The following NUSAP1 variants were observed in gnomAD, a reference collection of about 807,000 sequenced individuals.
The protein encoded by NUSAP1 is nucleolar and spindle-associated protein 1.
A neutral mutation model predicts 52.8 loss-of-function variants in NUSAP1; 32 were observed. The observed-to-expected ratio is 0.61, with a 90% confidence interval of 0.46 to 0.81. The LOEUF (loss-of-function observed/expected upper bound fraction) is 0.81, where lower values mean the gene tolerates loss of function less well. Ranked by LOEUF, NUSAP1 falls within the 40% of genes least tolerant of loss-of-function variation. The probability of loss-of-function intolerance (pLI) is 0.00; values close to 1 mark genes in which losing one functional copy is unlikely to be tolerated. For missense variants in NUSAP1, 499 were observed against 522.3 expected, an observed-to-expected ratio of 0.96 and a Z score of 0.43; for synonymous variants, 195 against 183.1, an observed-to-expected ratio of 1.06 and a Z score of -0.52.
chr15:41,355,198 G>C (rs1380356737), intron 4 of NUSAP1, among the ~76,000 whole-genome samples: 9 of 150,784 alleles, frequency 6.0e-5, no homozygotes, highest in Non-Finnish European at 1.3e-4. Context: ...TTTTGAGACA[G>C]AGTCTCGCTT....
intron 7 of NUSAP1, among the ~76,000 whole-genome samples, chr15:41,367,888 C>A (rs2049486144): frequency 6.6e-6 from 1 of 152,128 alleles, no homozygotes; most frequent in African/African-American, 2.4e-5. Context: ...TGCATCTCCA[C>A]TCCCCTGATG....
intron 7 of NUSAP1, among the ~76,000 whole-genome samples, chr15:41,370,140 G>T (rs1458078855): frequency 1.3e-5 from 2 of 151,832 alleles, no homozygotes; most frequent in Non-Finnish European, 2.9e-5. Flanking sequence ...CCAGCACTTT[G>T]GGAGGCCGAG....
intron 2 of NUSAP1, among the ~76,000 whole-genome samples, chr15:41,346,102 A>C (rs929475515): frequency 1.3e-5 from 2 of 150,540 alleles, no homozygotes; most frequent in African/African-American, 4.9e-5. Flanking sequence ...CACCATGCCC[A>C]GCTAATTTTT....
chr15:41,354,963 T>G (rs959294331), intron 4 of NUSAP1, among the ~76,000 whole-genome samples: 3 of 148,828 alleles, frequency 2.0e-5, no homozygotes, highest in Admixed American at 6.7e-5. Flanking sequence ...GAGCTTGCAG[T>G]GAGCCGAGAT....
chr15:41,372,268 G>A (rs1307148415), intron 8 of NUSAP1, among the ~76,000 whole-genome samples: 1 of 152,154 alleles, frequency 6.6e-6, no homozygotes, highest in Non-Finnish European at 1.5e-5. Flanking sequence ...CAGGGATTCG[G>A]AGGATGAGCA....
intron 4 of NUSAP1, among the ~76,000 whole-genome samples, chr15:41,355,793 C>T (rs561504488): frequency 1.1e-4 from 16 of 151,996 alleles, no homozygotes; most frequent in Non-Finnish European, 2.1e-4. Flanking sequence ...TCTCCTGCCT[C>T]AACCTCCCGA....
At chr15:41,367,180 C>T (rs2049451906) in intron 7 of NUSAP1, among the ~76,000 whole-genome samples, 1 of 152,322 alleles carries the variant, frequency 6.6e-6, no homozygotes, top group Non-Finnish European at 1.5e-5. Flanking sequence ...CAGGCCCTTA[C>T]TAGGAGTACA....
intron 1 of NUSAP1, among the ~76,000 whole-genome samples, chr15:41,340,975 G>A (rs565797574): frequency 7.9e-5 from 12 of 152,296 alleles, no homozygotes; most frequent in African/African-American, 2.6e-4. Context: ...AGCCAAGCCT[G>A]GTGGCTGGGC....
At chr15:41,336,987 T>C (rs1435516438) in intron 1 of NUSAP1, among the ~76,000 whole-genome samples, 11 of 149,266 alleles carry the variant, frequency 7.4e-5, no homozygotes, top group Non-Finnish European at 1.6e-4. Context: ...CCCCTTTTTT[T>C]CCTTTCCTTT....
intron 10 of NUSAP1, among the ~76,000 whole-genome samples, chr15:41,377,667 C>G (rs779998926): frequency 7.0e-6 from 1 of 142,942 alleles, no homozygotes; most frequent in Non-Finnish European, 1.5e-5. Context: ...CCACTGCACT[C>G]TAGCCTGCGT....
At chr15:41,356,554 C>T (rs1480130386) in intron 5 of NUSAP1, among the ~76,000 whole-genome samples, 1 of 151,904 alleles carries the variant, frequency 6.6e-6, no homozygotes, top group African/African-American at 2.4e-5. Flanking sequence ...GGGGTTTCAC[C>T]ATGTTGGCCA....
intron 8 of NUSAP1, among the ~76,000 whole-genome samples, chr15:41,373,993 T>C (rs1006990144): frequency 6.6e-6 from 1 of 152,038 alleles, no homozygotes; most frequent in African/African-American, 2.4e-5. Flanking sequence ...ATTGAGACCA[T>C]CCTGGCTAAC....
chr15:41,348,417 G>C (rs911914700), intron 2 of NUSAP1, among the ~76,000 whole-genome samples: 1 of 151,892 alleles, frequency 6.6e-6, no homozygotes, highest in Non-Finnish European at 1.5e-5. Context: ...ATGGGGTTTT[G>C]CCATGTTGCC....
chr15:41,375,877 G>T, intron 9 of NUSAP1, 49 bp downstream of exon 9: 1 of 1,330,916 alleles, frequency 7.5e-7, no homozygotes, highest in Non-Finnish European at 1.1e-6. Context: ...ACTTAAGATT[G>T]GTGGGACGCA....
chr15:41,353,729 T>C (rs138982660), intron 4 of NUSAP1, among the ~76,000 whole-genome samples: 1 of 152,340 alleles, frequency 6.6e-6, no homozygotes, highest in African/African-American at 2.4e-5. Context: ...AGATTGAGGC[T>C]TTCTTATATT....
Position 41,377,265 on chromosome 15 carries a change from TC to T in NUSAP1, c.1194del (p.Tyr399ThrfsTer73), listed in dbSNP as rs1456130130. The T allele has an allele frequency of 1.3e-6, 2 of 1,537,134 alleles. No homozygotes were observed. Among genetic ancestry groups the T allele is most frequent in the East Asian group, 4.9e-5 (2 of 41,002 alleles). Reference sequence around the variant, plus strand: ...AATCAACATGTCAACAGAATTAACTTCTACAAGAAAACTTACAAACAACCCC... The same window carrying T: ...AATCAACATGTCAACAGAATTAACTTTACAAGAAAACTTACAAACAACCCC... ...YLNQHVNRIN[F>X]YKKTYKQPHL... On this transcript the variant is annotated frameshift_variant, in exon 10 of 11. Transcript: ENST00000559596. LOFTEE classifies it high-confidence loss of function.
chr15:41,336,807 T>G (rs1006822859), intron 1 of NUSAP1, among the ~76,000 whole-genome samples: 5 of 151,070 alleles, frequency 3.3e-5, no homozygotes, highest in Non-Finnish European at 7.4e-5. Context: ...CCACCACACC[T>G]GGCCCATTTT....
intron 6 of NUSAP1, 103 bp downstream of exon 6, chr15:41,358,361 TAG>T: frequency 1.6e-6 from 1 of 621,540 alleles, no homozygotes; most frequent in East Asian, 3.0e-5. Context: ...ACTCTACCAG[TAG>T]ATTTGTTTGA....
At position 41,332,937 on chromosome 15, in the gene NUSAP1, T is replaced by C; in HGVS notation, c.-21T>C. The C allele has an allele frequency of 1.3e-6, 2 of 1,585,270 alleles. No individual in the cohort carries two copies. Among genetic ancestry groups the C allele is most frequent in the Non-Finnish European group, 1.7e-6 (2 of 1,160,516 alleles). ...AGTTTGGTGATCCATCTTCCGAGTATCGCCGGGATTTCGAATCGCGATGAT... is the reference window on the plus strand; with the variant it reads ...AGTTTGGTGATCCATCTTCCGAGTACCGCCGGGATTTCGAATCGCGATGAT... On this transcript the variant is annotated 5_prime_UTR_variant, in exon 1 of 11. Coordinates refer to ENST00000559596, the MANE Select transcript of NUSAP1 (RefSeq NM_016359.5).
Sources: allele counts gnomAD v4.1 joint callset (sites outside exome capture counted in the v4.1 genomes callset), GRCh38; gene constraint gnomAD v4.1.1; transcripts MANE v1.5; gene names NCBI Gene and HGNC (gene_info 2026-07-23, HGNC 2026-07-21).